TCF7L1: variants seen among roughly 807,000 people sequenced by gnomAD.
TCF7L1 encodes transcription factor 7 like 1.
A neutral mutation model predicts 63.7 loss-of-function variants in TCF7L1; 18 were observed. The observed-to-expected ratio is 0.28, with a 90% CI of 0.20 to 0.42. The LOEUF (loss-of-function observed/expected upper bound fraction) is 0.42. Among genes scored for constraint, TCF7L1 ranks in the 10% least tolerant of loss-of-function variants. The pLI, the probability that TCF7L1 is intolerant of heterozygous loss-of-function variation, is 1.00. For missense variants in TCF7L1, 654 were observed against 779.3 expected, an observed-to-expected ratio of 0.84 and a Z score of 1.91; for synonymous variants, 355 against 340.9, an observed-to-expected ratio of 1.04 and a Z score of -0.46.
At chr2:85,285,433 T>C (rs1681523117) in intron 4 of TCF7L1, among the ~76,000 whole-genome samples, 1 of 152,126 alleles carries the variant, frequency 6.6e-6, no homozygotes, top group African/African-American at 2.4e-5. Context: ...TCTCAGGTGA[T>C]TGTCACAGCC....
chr2:85,220,814 T>C (rs1351122569), intron 3 of TCF7L1, among the ~76,000 whole-genome samples: 2 of 152,228 alleles, frequency 1.3e-5, no homozygotes, highest in Admixed American at 1.3e-4. Flanking sequence ...AGAGAATATA[T>C]ATTTTGTAGC....
rs759894342 is a variant in TCF7L1 at position 85,306,194 on chromosome 2, G to T, written c.990-12G>T. The T allele has an allele frequency of 6.2e-7, 1 of 1,613,980 alleles. No homozygotes were observed. Among genetic ancestry groups the T allele is most frequent in the Non-Finnish European group, 8.5e-7 (1 of 1,179,986 alleles). ...ACCTGACATGCTAACCTACAACCAC[G>T]TGCCTTCCCAGGAAATCACCAGTCA... On this transcript the variant is annotated splice_polypyrimidine_tract_variant and intron_variant, in intron 8 of 11. Coordinates refer to ENST00000282111, the MANE Select transcript of TCF7L1 (RefSeq NM_031283.3). This position sits in a 1 kb window ranked among gnomAD's most constrained non-coding sequence, Gnocchi z 4.3.
chr2:85,280,652 T>C (rs1348806926), intron 3 of TCF7L1, among the ~76,000 whole-genome samples: 2 of 152,194 alleles, frequency 1.3e-5, no homozygotes, highest in African/African-American at 4.8e-5. Context: ...CTGGTAGTTG[T>C]TATTGTAGTT....
intron 3 of TCF7L1, among the ~76,000 whole-genome samples, chr2:85,216,636 C>T (rs1011134953): frequency 6.6e-6 from 1 of 152,148 alleles, no homozygotes; most frequent in Admixed American, 6.5e-5. Context: ...TTAGCCCCTT[C>T]CTCCCGGCCC....
chr2:85,181,023 G>A (rs1217477618), intron 3 of TCF7L1, among the ~76,000 whole-genome samples: 1 of 152,214 alleles, frequency 6.6e-6, no homozygotes, highest in African/African-American at 2.4e-5. Flanking sequence ...TTTCTCCTCT[G>A]CAGTTCCTGA....
At chr2:85,166,552 G>A (rs911854496) in intron 3 of TCF7L1, among the ~76,000 whole-genome samples, 8 of 152,224 alleles carry the variant, frequency 5.3e-5, no homozygotes, top group Non-Finnish European at 8.8e-5. Context: ...TGGGCATGGG[G>A]GTACCCAGGA....
intron 3 of TCF7L1, among the ~76,000 whole-genome samples, chr2:85,195,088 A>G (rs1488239429): frequency 6.6e-6 from 1 of 152,230 alleles, no homozygotes; most frequent in Non-Finnish European, 1.5e-5. Flanking sequence ...TGGGCTTTGA[A>G]GCAAGATCAT....
At position 85,306,199 on chromosome 2, in the gene TCF7L1, T is replaced by C. The variant is rs199636979; in HGVS notation, c.990-7T>C. 6.2e-7 allele frequency: 1 copy of C among 1,614,018 alleles called. No homozygotes were observed. The highest frequency in any genetic ancestry group is 1.7e-5 in the Admixed American group (1 of 59,994). On this transcript the variant is annotated splice_region_variant and splice_polypyrimidine_tract_variant and intron_variant, in intron 8 of 11. Coordinates refer to ENST00000282111, the MANE Select transcript of TCF7L1 (RefSeq NM_031283.3). This position sits in a 1 kb window ranked among gnomAD's most constrained non-coding sequence, Gnocchi z 4.3. ...ACATGCTAACCTACAACCACGTGCC[T>C]TCCCAGGAAATCACCAGTCACCGTG...
rs1225239931 is a variant in TCF7L1 at position 85,154,302 on chromosome 2, G to A, written c.441+19852G>A. The stretch of plus-strand genomic sequence containing the variant: ...TAGTTTTCCAGTTATATGAACAAGA[G>A]CTTTTGTTTTATACTGAAGTTTCTT... On this transcript the variant is annotated intron_variant, in intron 3 of 11. Coordinates refer to ENST00000282111, the MANE Select transcript of TCF7L1 (RefSeq NM_031283.3). Among the ~76,000 whole-genome samples the A allele has an allele frequency of 2.6e-5, 4 of 152,160 alleles. No homozygotes were observed. In the East Asian group the frequency reaches 5.8e-4, roughly 22 times the overall value.
At chr2:85,142,448 G>GAAAA (rs1558614271) in intron 3 of TCF7L1, among the ~76,000 whole-genome samples, 1 of 22,688 alleles carries the variant, frequency 4.4e-5, no homozygotes, top group African/African-American at 9.1e-5. Context: ...GTGTGTGTGT[G>GAAAA]TGTGTGTGTG....
chr2:85,140,913 C>CAGAG (rs71245379), intron 3 of TCF7L1, among the ~76,000 whole-genome samples: 92,403 of 151,386 alleles, frequency 0.61, 28,695 homozygotes, highest in East Asian at 0.86. Context: ...GAGAGAGAGA[C>CAGAG]AGAAGAGAGA....
intron 3 of TCF7L1, among the ~76,000 whole-genome samples, chr2:85,207,933 G>C (rs1202947223): frequency 1.3e-5 from 2 of 152,096 alleles, no homozygotes; most frequent in Non-Finnish European, 2.9e-5. Flanking sequence ...CGGGGACAGA[G>C]TCTTGCTCTG....
At chr2:85,261,133 T>G (rs1265142953) in intron 3 of TCF7L1, among the ~76,000 whole-genome samples, 62 of 139,842 alleles carry the variant, frequency 4.4e-4, no homozygotes, top group Non-Finnish European at 7.7e-4. Flanking sequence ...GGTGTGTGTG[T>G]GTGTGTGTGT....
chr2:85,294,890 C>T lies in TCF7L1; in HGVS notation c.526-7594C>T, dbSNP rs567145544. Among the ~76,000 whole-genome samples, 22 of 151,944 alleles carry T rather than the reference C, an allele frequency of 1.4e-4. No individual in the cohort carries two copies. In the East Asian group the frequency reaches 2.5e-3, roughly 18 times the overall value. ...TTTACTAAAAATAAAAAAAATTAGC[C>T]GGGCATGGTGGCACATACCTGCAGT... On this transcript the variant is annotated intron_variant, in intron 4 of 11. Transcript: ENST00000282111.
chr2:85,169,931 T>G (rs972422617), intron 3 of TCF7L1, among the ~76,000 whole-genome samples: 1 of 152,256 alleles, frequency 6.6e-6, no homozygotes, highest in African/African-American at 2.4e-5. Flanking sequence ...CACAAGATAG[T>G]TAAACTCATT....
At chr2:85,301,618 G>T (rs1202948873) in intron 4 of TCF7L1, among the ~76,000 whole-genome samples, 4 of 152,138 alleles carry the variant, frequency 2.6e-5, no homozygotes, top group African/African-American at 9.7e-5. Flanking sequence ...CCATTTGGTG[G>T]TGTTTTACAC....
intron 3 of TCF7L1, chr2:85,186,674 A>C (rs531279334): frequency 2.5e-4 from 38 of 152,248 alleles, no homozygotes; most frequent in Non-Finnish European, 4.7e-4. Context: ...TATCTGTAAC[A>C]GGAATATCCC....
At chr2:85,142,243 A>G (rs754800392) in intron 3 of TCF7L1, among the ~76,000 whole-genome samples, 24 of 152,028 alleles carry the variant, frequency 1.6e-4, no homozygotes, top group Non-Finnish European at 2.9e-4. Flanking sequence ...CCTGGGCAAT[A>G]TGGCGAAACC....
At chr2:85,181,435 C>T (rs920106963) in intron 3 of TCF7L1, among the ~76,000 whole-genome samples, 6 of 152,120 alleles carry the variant, frequency 3.9e-5, no homozygotes, top group Non-Finnish European at 8.8e-5. Context: ...GGCATGGGCC[C>T]GCCTGCTGGG....
Sources: gnomAD v4.1 joint callset for allele counts (sites outside exome capture counted in the v4.1 genomes callset) on GRCh38, gnomAD v4.1.1 for gene constraint, Gnocchi (gnomAD v3.1) non-coding constraint, MANE v1.5 for transcripts, NCBI Gene and HGNC (gene_info 2026-07-23, HGNC 2026-07-21) for gene names.